AKAP11: variants seen among roughly 807,000 people sequenced by gnomAD.
AKAP11 encodes the protein A-kinase anchoring protein 11.
A neutral mutation model predicts 146.1 loss-of-function variants in AKAP11; 36 were observed. That is an observed-to-expected ratio of 0.25 (90% CI 0.19 to 0.33). The LOEUF (loss-of-function observed/expected upper bound fraction) is 0.33. AKAP11 is among the 10% of genes least tolerant of loss of function. The pLI is 1.00. For missense variants in AKAP11, 2,201 were observed against 2,197.0 expected (o/e 1.00, Z -0.04); for synonymous variants, 780 against 786.5 (o/e 0.99, Z 0.14).
intron 4 of AKAP11, 136 bp from the exon 5 acceptor site, chr13:42,295,559 T>A (rs1418821768): frequency 3.8e-6 from 3 of 794,880 alleles, no homozygotes; most frequent in Non-Finnish European, 6.1e-6. Flanking sequence ...TATTTTTGGG[T>A]CATCTTTGAA....
At chr13:42,313,980 G>A (rs200671260) in intron 11 of AKAP11, 40 bp downstream of exon 11, 44 of 1,603,838 alleles carry the variant, frequency 2.7e-5, no homozygotes, top group Non-Finnish European at 3.8e-5. Context: ...CATGTGTTTT[G>A]TATAAGGTTT....
chr13:42,298,534 G>A lies in AKAP11; in HGVS notation c.353G>A (p.Ser118Asn), dbSNP rs1319170605. The A allele has an allele frequency of 3.7e-6, 6 of 1,606,300 alleles. No individual in the cohort carries two copies. The highest frequency in any genetic ancestry group is 5.1e-6 in the Non-Finnish European group (6 of 1,177,584). Residue 118 changes from serine to asparagine, a missense_variant and splice_region_variant, in exon 7 of 13, where the codon AGT (serine) becomes AAT (asparagine). Transcript: ENST00000025301. ...LDISSDPLNQSHPSGMLCVMR... is the reference protein window; with the variant it reads ...LDISSDPLNQNHPSGMLCVMR... Reference sequence around the variant, plus strand: ...TTATTATCTTTTATCTTTCCCAAGAGTCATCCTTCTGGAATGCTTTGTGTC... The same window carrying A: ...TTATTATCTTTTATCTTTCCCAAGAATCATCCTTCTGGAATGCTTTGTGTC...
chr13:42,319,423 T>C lies in AKAP11; in HGVS notation c.*195T>C, dbSNP rs1392599713. 14 of 652,956 alleles carry C rather than the reference T, an allele frequency of 2.1e-5. No individual in the cohort carries two copies. The highest frequency in any genetic ancestry group is 3.5e-5 in the Non-Finnish European group (14 of 402,138). The allele number at this position is 652,956 out of a possible 1,614,324, so 40.4% of individuals were successfully genotyped here. On this transcript the variant is annotated 3_prime_UTR_variant, in exon 13 of 13. Transcript: ENST00000025301. ...ATACTTTTGTAATCTGTCAAAATAC[T>C]ACCTTCATTTATTCTTCTATACACA...
chr13:42,297,800 T>A (rs891463251), intron 6 of AKAP11, among the ~76,000 whole-genome samples: 1 of 152,014 alleles, frequency 6.6e-6, no homozygotes, highest in Non-Finnish European at 1.5e-5. Flanking sequence ...ATTTTAGTTT[T>A]AAAAAAACTG....
At chr13:42,275,093 T>C (rs1958882580) in intron 1 of AKAP11, among the ~76,000 whole-genome samples, 1 of 152,246 alleles carries the variant, frequency 6.6e-6, no homozygotes, top group South Asian at 2.1e-4. Flanking sequence ...TGAAGTCCAT[T>C]GCATGATTCC....
chr13:42,312,473 A>G (rs1034412262), intron 9 of AKAP11, among the ~76,000 whole-genome samples: 4 of 152,244 alleles, frequency 2.6e-5, no homozygotes, highest in Non-Finnish European at 5.9e-5. Flanking sequence ...TACATAATAT[A>G]TGAAATGAAG....
At position 42,300,262 on chromosome 13, in the gene AKAP11, A is replaced by G. The variant is rs776372462; in HGVS notation, c.1516A>G (p.Thr506Ala). The change falls in exon 8 of 13, where the codon ACC (threonine) becomes GCC (alanine). Residue 506 changes from threonine to alanine, a missense_variant. Transcript: ENST00000025301. ...SCEVLGSVLR[T>A]HHTNTLSNIN... ...TGAAGTACTAGGCTCAGTTCTTCGT[A>G]CCCACCATACTAATACCCTATCAAA... The G allele has an allele frequency of 4.3e-6, 7 of 1,613,924 alleles. No homozygotes were observed. In the East Asian group the frequency reaches 1.6e-4, roughly 36 times the overall value.
chr13:42,305,857 AG>A (rs1432462826), intron 8 of AKAP11, among the ~76,000 whole-genome samples: 1 of 152,230 alleles, frequency 6.6e-6, no homozygotes, highest in Non-Finnish European at 1.5e-5. Context: ...GGAGACTTAC[AG>A]TCATGGCACA....
intron 5 of AKAP11, 144 bp downstream of exon 5, chr13:42,295,886 CTTGT>C (rs1224955319): frequency 1.1e-5 from 7 of 662,560 alleles, no homozygotes; most frequent in African/African-American, 9.7e-5. Context: ...GAATGTATGA[CTTGT>C]TTGTTTATTT....
intron 1 of AKAP11, among the ~76,000 whole-genome samples, chr13:42,279,306 C>A (rs1049215323): frequency 2.0e-5 from 3 of 151,960 alleles, no homozygotes; most frequent in African/African-American, 7.3e-5. Context: ...CTCACTCACT[C>A]GCTTACTCAC....
chr13:42,291,795 CATT>C (rs1316142594), intron 3 of AKAP11, among the ~76,000 whole-genome samples: 2 of 152,172 alleles, frequency 1.3e-5, no homozygotes, highest in East Asian at 3.8e-4. Context: ...CTATAATACT[CATT>C]ATTTTCTTTA....
intron 1 of AKAP11, among the ~76,000 whole-genome samples, chr13:42,277,670 A>T (rs1958958303): frequency 6.6e-6 from 1 of 152,202 alleles, no homozygotes; most frequent in Non-Finnish European, 1.5e-5. Context: ...TGCTTTTGCC[A>T]CCAAATGCCT....
intron 5 of AKAP11, 135 bp from the exon 6 acceptor site, chr13:42,296,911 CTG>C: frequency 1.8e-6 from 1 of 551,518 alleles, no homozygotes; most frequent in South Asian, 3.6e-5. Context: ...GAATAATAAA[CTG>C]TATATGTTAA....
chr13:42,317,766 A>T, intron 12 of AKAP11, 78 bp downstream of exon 12: 1 of 1,458,414 alleles, frequency 6.9e-7, no homozygotes. Context: ...GTCTAACAAG[A>T]TGCCTGGTGA....
Position 42,299,631 on chromosome 13 carries a change from G to A in AKAP11, c.885G>A (p.Gln295=). The A allele has an allele frequency of 1.2e-6, 2 of 1,613,888 alleles. No homozygotes were observed. The highest frequency in any genetic ancestry group is 1.7e-6 in the Non-Finnish European group (2 of 1,179,856). The change falls in exon 8 of 13, where the codon CAG becomes CAA. Residue 295 remains glutamine, a synonymous_variant. Transcript: ENST00000025301. ...CTTCAGATAAAGATAGTGATTTACA[G>A]AAAACATTTTTTTCGTCTTCTCCTG... ...SNASDKDSDL[Q]KTFFSSSPAY... is the part of the protein sequence containing the mutation.
chr13:42,284,001 G>A lies in AKAP11; in HGVS notation c.-99-1985G>A, dbSNP rs3783189. On this transcript the variant is annotated intron_variant, in intron 1 of 12. Transcript: ENST00000025301. ...TAAAACCTTTATGCACTGTAGAGGA[G>A]TGGTGAAGAGCCCCAGTGCTGGAGT... 8.4e-3 allele frequency among the ~76,000 whole-genome samples: 1,285 copies of A among 152,318 alleles called. 15 individuals carry two copies. Among genetic ancestry groups the A allele is most frequent in the East Asian group, 0.079 (407 of 5,184 alleles).
At chr13:42,297,983 AAGT>A (rs917560529) in intron 6 of AKAP11, among the ~76,000 whole-genome samples, 1 of 151,864 alleles carries the variant, frequency 6.6e-6, no homozygotes, top group Non-Finnish European at 1.5e-5. Flanking sequence ...TACTTGAAAA[AAGT>A]AGTATGAGGG....
chr13:42,304,655 C>T lies in AKAP11; in HGVS notation c.5117+792C>T, dbSNP rs151324345. ...AAAGTGAAAATTCTTTACATACTTA[C>T]ACCATTTCTCTTGATTGGTTCACAA... On this transcript the variant is annotated intron_variant, in intron 8 of 12. Transcript: ENST00000025301. Among the ~76,000 whole-genome samples, 439 of 152,286 alleles carry T rather than the reference C, an allele frequency of 2.9e-3. 2 individuals are homozygous for T. Among genetic ancestry groups the T allele is most frequent in the Middle Eastern group, 0.01 (3 of 294 alleles).
At chr13:42,276,064 C>T (rs368178627) in intron 1 of AKAP11, among the ~76,000 whole-genome samples, 6 of 152,084 alleles carry the variant, frequency 3.9e-5, no homozygotes, top group East Asian at 1.9e-4. Context: ...CCTTTTATGC[C>T]GGTCCTGGAA....
Sources: allele counts gnomAD v4.1 joint callset (sites outside exome capture counted in the v4.1 genomes callset), GRCh38; gene constraint gnomAD v4.1.1; transcripts MANE v1.5; gene names NCBI Gene and HGNC (gene_info 2026-07-23, HGNC 2026-07-21).